The following RASA3 variants were observed in gnomAD, a reference collection of about 807,000 sequenced individuals.
The protein encoded by RASA3 is ras GTPase-activating protein 3.
RASA3 carries 73 observed loss-of-function variants against 110.0 expected under a neutral mutation model. That is an observed-to-expected ratio of 0.66 (90% confidence interval 0.55 to 0.81). The LOEUF is 0.81. Ranked by LOEUF, RASA3 falls within the 30% of genes least tolerant of loss-of-function variation. The pLI is 0.00. For missense variants in RASA3, 976 were observed against 1,113.2 expected, an observed-to-expected ratio of 0.88 and a Z score of 1.75; for synonymous variants, 500 against 451.4, an observed-to-expected ratio of 1.11 and a Z score of -1.37.
intron 8 of RASA3, among the ~76,000 whole-genome samples, chr13:114,023,341 C>T (rs1280401134): frequency 6.6e-6 from 1 of 152,080 alleles, no homozygotes; most frequent in East Asian, 1.9e-4. Context: ...CGGGGGCATC[C>T]CAGGCTCGGG....
At chr13:114,121,257 T>TC (rs2080372184) in intron 1 of RASA3, among the ~76,000 whole-genome samples, 1 of 151,938 alleles carries the variant, frequency 6.6e-6, no homozygotes, top group Non-Finnish European at 1.5e-5. Context: ...CCCAAACACA[T>TC]CCCGCCGAGC....
At chr13:114,028,396 C>G (rs2054074635) in intron 5 of RASA3, among the ~76,000 whole-genome samples, 1 of 150,222 alleles carries the variant, frequency 6.7e-6, no homozygotes, top group African/African-American at 2.5e-5. Flanking sequence ...ACAGCATCAT[C>G]TGGGAGCTAA....
At chr13:114,059,290 C>G (rs756785377) in intron 2 of RASA3, among the ~76,000 whole-genome samples, 21 of 152,240 alleles carry the variant, frequency 1.4e-4, no homozygotes, top group Admixed American at 2.0e-4. Flanking sequence ...AGCTGCTCCC[C>G]CCAACCTAAT....
intron 1 of RASA3, among the ~76,000 whole-genome samples, chr13:114,079,710 G>A (rs1183482606): frequency 6.6e-6 from 1 of 152,178 alleles, no homozygotes; most frequent in Non-Finnish European, 1.5e-5. Context: ...CGTGGGTAGA[G>A]ACCCCTCTCC....
intron 21 of RASA3, 47 bp from the exon 22 acceptor site, chr13:113,992,635 C>A (rs369127081): frequency 5.9e-6 from 8 of 1,352,432 alleles, no homozygotes; most frequent in Admixed American, 5.3e-5. Context: ...CTTATTTAAA[C>A]GATGCTTTTA....
intron 1 of RASA3, among the ~76,000 whole-genome samples, chr13:114,120,998 G>A (rs1349005885): frequency 6.6e-6 from 1 of 152,234 alleles, no homozygotes; most frequent in Non-Finnish European, 1.5e-5. Context: ...TCCAAAGACT[G>A]GGGACTCCCC....
chr13:113,996,827 G>C lies in RASA3; in HGVS notation c.1933-88C>G, dbSNP rs955541487. On this transcript the variant is annotated intron_variant, in intron 20 of 23. Coordinates refer to ENST00000334062, the MANE Select transcript of RASA3 (RefSeq NM_007368.4). ...GTCCACCAGGCACCTGGCCGTCCTC[G>C]CCGGAGTCGTAAGAGGGGACGCTGA... 11 of 1,221,062 alleles carry C rather than the reference G, an allele frequency of 9.0e-6. No individual in the cohort carries two copies. In the African/African-American group the frequency reaches 1.2e-4, roughly 13 times the overall value. The allele number at this position is 1,221,062 out of a possible 1,614,324, so 75.6% of individuals were successfully genotyped here.
At chr13:114,088,554 A>ATT (rs774913747) in intron 1 of RASA3, among the ~76,000 whole-genome samples, 8 of 20,252 alleles carry the variant, frequency 4.0e-4, no homozygotes, top group Admixed American at 2.3e-3. Flanking sequence ...TCCCAAATTA[A>ATT]TTTTTTTTTT....
At position 114,001,357 on chromosome 13, in the gene RASA3, C is replaced by T. The variant is rs184480311; in HGVS notation, c.1743-425G>A. On this transcript the variant is annotated intron_variant, in intron 18 of 23. Transcript: ENST00000334062. ...TCAGGGTGGGCAGTGGACGCCCACA[C>T]AACATGGAGGACCCGCGGCCGCGGG... Among the ~76,000 whole-genome samples the T allele has an allele frequency of 1.7e-3, 251 of 146,812 alleles. 6 individuals are homozygous for T. In the East Asian group the frequency reaches 0.028, roughly 16 times the overall value.
At chr13:114,002,236 A>G (rs766592497) in intron 18 of RASA3, among the ~76,000 whole-genome samples, 3 of 152,196 alleles carry the variant, frequency 2.0e-5, no homozygotes, top group African/African-American at 7.2e-5. Flanking sequence ...AATCGGAAAG[A>G]GGGGCTTTGA....
intron 22 of RASA3, among the ~76,000 whole-genome samples, 181 bp from the exon 23 acceptor site, chr13:113,982,039 C>T (rs1336275971): frequency 6.6e-6 from 1 of 152,240 alleles, no homozygotes; most frequent in East Asian, 1.9e-4. Context: ...CGCAGGTAGG[C>T]GAGTTGTGCC....
intron 4 of RASA3, among the ~76,000 whole-genome samples, chr13:114,032,602 C>T (rs2054189546): frequency 6.6e-6 from 1 of 152,088 alleles, no homozygotes; most frequent in Admixed American, 6.5e-5. Context: ...TCACTTGACA[C>T]CGCGTCGGTG....
intron 1 of RASA3, among the ~76,000 whole-genome samples, chr13:114,089,634 C>T (rs899363146): frequency 2.6e-5 from 4 of 152,350 alleles, no homozygotes; most frequent in African/African-American, 7.2e-5. Context: ...CAGCCGCGCA[C>T]GGCCGCCCCA....
chr13:114,029,940 C>T (rs1235819136), intron 4 of RASA3, 53 bp from the exon 5 acceptor site: 5 of 1,495,218 alleles, frequency 3.3e-6, no homozygotes, highest in Non-Finnish European at 4.5e-6. Context: ...TCCCACAGGC[C>T]ACTAGGGCCG....
At position 114,096,068 on chromosome 13, in the gene RASA3, G is replaced by A. The variant is rs978576952; in HGVS notation, c.56-22231C>T. On this transcript the variant is annotated intron_variant, in intron 1 of 23. Transcript: ENST00000334062. This position sits in a 1 kb window ranked among gnomAD's most constrained non-coding sequence, Gnocchi z 5.1. ...CCACCCTGGGTGGCACTGGTGTGCC[G>A]GGAGGGGGTGCTCTCCAGGTGGCCC... Among the ~76,000 whole-genome samples, 2 of 152,164 alleles carry A rather than the reference G, an allele frequency of 1.3e-5. No homozygotes were observed. The highest frequency in any genetic ancestry group is 1.5e-5 in the Non-Finnish European group (1 of 68,030).
chr13:114,116,459 G>A (rs1393266171), intron 1 of RASA3, among the ~76,000 whole-genome samples: 1 of 152,032 alleles, frequency 6.6e-6, no homozygotes, highest in Non-Finnish European at 1.5e-5. Context: ...AGGGGAAACT[G>A]GTGACTGAGC....
At chr13:114,126,527 G>A (rs1462665048) in intron 1 of RASA3, among the ~76,000 whole-genome samples, 23 of 151,598 alleles carry the variant, frequency 1.5e-4, no homozygotes, top group Non-Finnish European at 3.4e-4. Context: ...CAAGTTGAAA[G>A]CCATCCCTCC....
At chr13:114,080,508 G>A (rs985169439) in intron 1 of RASA3, among the ~76,000 whole-genome samples, 6 of 152,222 alleles carry the variant, frequency 3.9e-5, no homozygotes, top group African/African-American at 9.6e-5. Context: ...GCTGAGGGGC[G>A]GGTGACCAGG....
At chr13:114,123,644 C>G (rs1448514951) in intron 1 of RASA3, among the ~76,000 whole-genome samples, 2 of 152,248 alleles carry the variant, frequency 1.3e-5, no homozygotes, top group Non-Finnish European at 2.9e-5. Context: ...ATCCTCCGTC[C>G]TACCCTGGGC....
Sources: gnomAD v4.1 joint callset for allele counts (sites outside exome capture counted in the v4.1 genomes callset) on GRCh38, gnomAD v4.1.1 for gene constraint, Gnocchi (gnomAD v3.1) non-coding constraint, MANE v1.5 for transcripts, NCBI Gene and HGNC (gene_info 2026-07-23, HGNC 2026-07-21) for gene names.